Variants in ATP8A1 observed in about 807,000 individuals in gnomAD.
ATP8A1 encodes ATPase phospholipid transporting 8A1.
In ATP8A1, 90 loss-of-function variants were observed where a neutral mutation model predicts 177.7. The observed-to-expected ratio is 0.51, with a 90% CI of 0.43 to 0.60. ATP8A1 has a LOEUF of 0.60. Among genes scored for constraint, ATP8A1 ranks in the 20% least tolerant of loss-of-function variants. The pLI is 0.00. For synonymous variants in ATP8A1, 493 were observed against 485.9 expected, an observed-to-expected ratio of 1.01 and a Z score of -0.19; for missense variants, 1,072 against 1,392.8, an observed-to-expected ratio of 0.77 and a Z score of 3.67.
chr4:42,465,964 G>A (rs1460749005), intron 25 of ATP8A1, among the ~76,000 whole-genome samples: 7 of 148,466 alleles, frequency 4.7e-5, no homozygotes, highest in South Asian at 2.2e-4. Flanking sequence ...CCCAGGAGGC[G>A]GAGCTTGCAG....
chr4:42,558,971 T>A (rs1294843477), intron 15 of ATP8A1, among the ~76,000 whole-genome samples: 3 of 151,942 alleles, frequency 2.0e-5, no homozygotes, highest in Non-Finnish European at 4.4e-5. Context: ...AGGCCAGGAG[T>A]TTGAAACCAG....
At chr4:42,544,158 G>A (rs1269597211) in intron 19 of ATP8A1, among the ~76,000 whole-genome samples, 172 bp from the exon 20 acceptor site, 1 of 152,078 alleles carries the variant, frequency 6.6e-6, no homozygotes, top group Non-Finnish European at 1.5e-5. Flanking sequence ...CTGGGCACCT[G>A]TAAAAGTTAC....
intron 4 of ATP8A1, among the ~76,000 whole-genome samples, chr4:42,620,129 AACGG>A (rs1737319325): frequency 6.6e-6 from 1 of 152,214 alleles, no homozygotes; most frequent in Admixed American, 6.5e-5. Flanking sequence ...GTTCTTGCTG[AACGG>A]ATGAATGAAA....
At chr4:42,515,883 T>C (rs1333002480) in intron 22 of ATP8A1, among the ~76,000 whole-genome samples, 1 of 152,262 alleles carries the variant, frequency 6.6e-6, no homozygotes, top group East Asian at 1.9e-4. Context: ...GTTTTATAAA[T>C]GAACGAATCT....
At chr4:42,603,517 T>C (rs1490730663) in intron 5 of ATP8A1, among the ~76,000 whole-genome samples, 1 of 152,234 alleles carries the variant, frequency 6.6e-6, no homozygotes, top group Non-Finnish European at 1.5e-5. Context: ...TTAATTTCTC[T>C]TTGTGAACAA....
chr4:42,452,202 T>C (rs1270321771), intron 29 of ATP8A1, 143 bp from the exon 30 acceptor site: 1 of 476,464 alleles, frequency 2.1e-6, no homozygotes, highest in African/African-American at 2.0e-5. Flanking sequence ...TGACAGACAC[T>C]TTCTGCCTCT....
intron 29 of ATP8A1, among the ~76,000 whole-genome samples, chr4:42,453,442 G>C (rs1474431098): frequency 6.6e-6 from 1 of 152,198 alleles, no homozygotes; most frequent in Non-Finnish European, 1.5e-5. Context: ...AATGGGTATA[G>C]AAATTGTATA....
In ATP8A1 at chr4:42,522,269, T is replaced by G; in HGVS notation, c.1838A>C (p.Glu613Ala). 6.2e-7 allele frequency: 1 copy of G among 1,613,782 alleles called. No homozygotes were observed. The highest frequency in any genetic ancestry group is 1.1e-5 in the South Asian group (1 of 91,070). Reference protein sequence around the residue: ...GLRTLCFAVAEISESDFQEWR... With the variant: ...GLRTLCFAVAAISESDFQEWR... ...CTCCTGAAAGTCGCTCTCTGAAATC[T>G]CAGCCACAGCAAAACATAAAGTTCT... Residue 613 changes from glutamate (E) to alanine (A), a missense_variant, in exon 22 of 37, where the codon GAG becomes GCG. Transcript: ENST00000381668.
chr4:42,481,435 G>A (rs1411446226), intron 25 of ATP8A1, among the ~76,000 whole-genome samples: 1 of 152,110 alleles, frequency 6.6e-6, no homozygotes, highest in Admixed American at 6.6e-5. Flanking sequence ...TCATTTTGTA[G>A]GTCACAAAAC....
intron 25 of ATP8A1, among the ~76,000 whole-genome samples, chr4:42,469,286 C>T (rs1720135912): frequency 6.6e-6 from 1 of 152,104 alleles, no homozygotes; most frequent in South Asian, 2.1e-4. Flanking sequence ...AATAAACATA[C>T]TAGGGAACGA....
At chr4:42,621,952 A>T (rs1051327082) in intron 4 of ATP8A1, among the ~76,000 whole-genome samples, 5 of 152,242 alleles carry the variant, frequency 3.3e-5, no homozygotes, top group African/African-American at 9.6e-5. Flanking sequence ...CTGATCTTCG[A>T]CAAAGCTGAC....
In ATP8A1 at chr4:42,608,638, G is replaced by A. The variant is rs1160874462; in HGVS notation, c.409+7395C>T. Among the ~76,000 whole-genome samples the A allele has an allele frequency of 2.6e-5, 4 of 152,234 alleles. No individual in the cohort carries two copies. In the Middle Eastern group the frequency reaches 0.01, roughly 388 times the overall value. On this transcript the variant is annotated intron_variant, in intron 5 of 36. Coordinates refer to ENST00000381668, the MANE Select transcript of ATP8A1 (RefSeq NM_006095.2). ...CTCCCAAAGTGCTGGGATTACAGGC[G>A]TCAGCCACCGCACCCAGCCTATCAT...
chr4:42,619,264 T>C (rs1299251733), intron 4 of ATP8A1, among the ~76,000 whole-genome samples: 2 of 152,156 alleles, frequency 1.3e-5, no homozygotes, highest in South Asian at 2.1e-4. Context: ...TTCCTACGCA[T>C]TGTAGGCTTT....
chr4:42,628,616 G>C (rs1365971141), intron 1 of ATP8A1, among the ~76,000 whole-genome samples: 1 of 151,222 alleles, frequency 6.6e-6, no homozygotes, highest in Non-Finnish European at 1.5e-5. Flanking sequence ...GACCCAATCA[G>C]CAGCTTTGCT....
intron 23 of ATP8A1, among the ~76,000 whole-genome samples, chr4:42,506,562 G>C (rs1280270779): frequency 1.3e-5 from 2 of 152,194 alleles, no homozygotes; most frequent in Non-Finnish European, 2.9e-5. Context: ...GTAGTACACA[G>C]AAGAGGAGCC....
At chr4:42,601,153 G>C (rs540669475) in intron 5 of ATP8A1, among the ~76,000 whole-genome samples, 12 of 147,566 alleles carry the variant, frequency 8.1e-5, no homozygotes, top group African/African-American at 3.0e-4. Context: ...CTCCTGCCTC[G>C]GTCTTCCAGG....
chr4:42,557,374 T>A (rs1037683442), intron 15 of ATP8A1, among the ~76,000 whole-genome samples: 1 of 152,230 alleles, frequency 6.6e-6, no homozygotes, highest in Non-Finnish European at 1.5e-5. Flanking sequence ...TGGGGCTTTA[T>A]GAAATTTTCC....
intron 22 of ATP8A1, among the ~76,000 whole-genome samples, chr4:42,520,241 T>C (rs893673911): frequency 2.0e-5 from 3 of 152,210 alleles, no homozygotes; most frequent in Admixed American, 2.0e-4. Context: ...GAATCCATTT[T>C]CAAATAGATT....
chr4:42,584,721 T>A (rs985387891), intron 9 of ATP8A1, among the ~76,000 whole-genome samples: 8 of 152,242 alleles, frequency 5.3e-5, no homozygotes, highest in Non-Finnish European at 1.0e-4. Context: ...TCCATCCTCA[T>A]GGCTTTAAAT....
Sources: gnomAD v4.1 joint callset for allele counts (sites outside exome capture counted in the v4.1 genomes callset) on GRCh38, gnomAD v4.1.1 for gene constraint, MANE v1.5 for transcripts, NCBI Gene and HGNC (gene_info 2026-07-23, HGNC 2026-07-21) for gene names.